RNF115: variants seen among roughly 807,000 people sequenced by gnomAD.
RNF115 encodes the protein E3 ubiquitin-protein ligase RNF115.
RNF115 carries 31 observed loss-of-function variants against 39.2 expected under a neutral mutation model. The ratio of observed to expected loss-of-function variants is 0.79; its 90% CI spans 0.59 to 1.07. RNF115 has a LOEUF of 1.07. RNF115 is among the 50% of genes least tolerant of loss of function. RNF115 has a pLI of 0.00. For synonymous variants in RNF115, 124 were observed against 131.0 expected (o/e 0.95, Z 0.37); for missense variants, 384 against 381.7 (o/e 1.01, Z -0.05).
intron 1 of RNF115, among the ~76,000 whole-genome samples, chr1:145,813,572 TG>T (rs1355160180): frequency 2.0e-5 from 3 of 152,212 alleles, no homozygotes; most frequent in Admixed American, 6.5e-5. Flanking sequence ...CCAATTCCTC[TG>T]GTCTCAGTAA....
chr1:145,781,402 G>GT (rs1446497871), intron 3 of RNF115, among the ~76,000 whole-genome samples: 1 of 152,120 alleles, frequency 6.6e-6, no homozygotes, highest in Non-Finnish European at 1.5e-5. Flanking sequence ...TTATTTCTAA[G>GT]TTTTTTCTTC....
At chr1:145,798,036 T>C (rs950200852) in intron 1 of RNF115, among the ~76,000 whole-genome samples, 1 of 152,236 alleles carries the variant, frequency 6.6e-6, no homozygotes, top group South Asian at 2.1e-4. Flanking sequence ...TTCTACATTC[T>C]GGATATTAAT....
At chr1:145,782,671 C>A (rs1553717595) in intron 3 of RNF115, among the ~76,000 whole-genome samples, 1 of 152,148 alleles carries the variant, frequency 6.6e-6, no homozygotes. Context: ...GTGAGTCATA[C>A]CTACAAAATT....
intron 3 of RNF115, chr1:145,773,142 C>T (rs1381260190): frequency 2.0e-5 from 3 of 152,092 alleles, no homozygotes; most frequent in Non-Finnish European, 4.4e-5. Context: ...TGTCCTTTAG[C>T]TCTTTGAGTA....
chr1:145,792,596 A>G (rs1028890429), intron 1 of RNF115, among the ~76,000 whole-genome samples: 1 of 152,194 alleles, frequency 6.6e-6, no homozygotes, highest in Non-Finnish European at 1.5e-5. Context: ...GCTATAACCA[A>G]TGAACACTAG....
chr1:145,811,908 A>AAAAAAT (rs1553722706), intron 1 of RNF115, among the ~76,000 whole-genome samples: 3 of 55,150 alleles, frequency 5.4e-5, no homozygotes, highest in African/African-American at 1.7e-4. Flanking sequence ...AAAAAAAAAA[A>AAAAAAT]ATATATATAT....
intron 1 of RNF115, among the ~76,000 whole-genome samples, chr1:145,794,652 C>T (rs918280495): frequency 6.6e-6 from 1 of 151,544 alleles, no homozygotes; most frequent in Admixed American, 6.6e-5. Flanking sequence ...TATTCCTTCC[C>T]GTGGGTTCTT....
intron 3 of RNF115, among the ~76,000 whole-genome samples, chr1:145,775,409 T>A (rs1647836950): frequency 6.6e-6 from 1 of 151,106 alleles, no homozygotes; most frequent in Admixed American, 6.6e-5. Context: ...TTTTTTTTTT[T>A]TTTGAGACAA....
intron 1 of RNF115, 58 bp from the exon 2 acceptor site, chr1:145,789,024 T>C: frequency 9.2e-7 from 1 of 1,081,780 alleles, no homozygotes; most frequent in Non-Finnish European, 1.4e-6. Flanking sequence ...ACGTGGTATC[T>C]GTAGTTTCAG....
At chr1:145,802,404 G>T (rs143336706) in intron 1 of RNF115, among the ~76,000 whole-genome samples, 368 of 152,220 alleles carry the variant, frequency 2.4e-3, no homozygotes, top group African/African-American at 8.3e-3. Flanking sequence ...TTTGCCTCCC[G>T]TATTTCAAAG....
chr1:145,801,821 T>C (rs1005777900), intron 1 of RNF115, among the ~76,000 whole-genome samples: 13 of 152,070 alleles, frequency 8.5e-5, no homozygotes, highest in Admixed American at 6.6e-4. Flanking sequence ...AGGGTCTCGC[T>C]CTGTTGCCCA....
In RNF115 at chr1:145,739,487, A is replaced by T. The variant is rs587715989; in HGVS notation, c.*7379T>A. On this transcript the variant is annotated 3_prime_UTR_variant, in exon 9 of 9. Transcript: ENST00000582693. ...AACTAAGGATTTTAGACTGTATCCC[A>T]TGGAGATAAAAGGACTAGCCATGGA... 6.6e-6 allele frequency: 1 copy of T among 152,320 alleles called. No individual in the cohort carries two copies. The highest frequency in any genetic ancestry group is 1.5e-5 in the Non-Finnish European group (1 of 68,038). 9.4% of individuals were successfully genotyped at this position (152,320 alleles called of 1,614,324 possible). A position where few individuals can be genotyped will look rare whatever the true frequency, so the allele number is the denominator to read the frequency against.
chr1:145,789,700 CTTTT>C lies in RNF115; in HGVS notation c.103-738_103-735del, dbSNP rs67276251. Among the ~76,000 whole-genome samples, 235 of 86,738 alleles carry C rather than the reference CTTTT, an allele frequency of 2.7e-3. 1 individual carries two copies. The highest frequency in any genetic ancestry group is 0.023 in the South Asian group (53 of 2,314). The allele number at this position is 86,738 out of a possible 152,430, so 56.9% of individuals were successfully genotyped here. A position where few individuals can be genotyped will look rare whatever the true frequency, so the allele number is the denominator to read the frequency against. The stretch of plus-strand genomic sequence containing the variant: ...GGTGTGAGCCACCACACCCGGACTT[CTTTT>C]TTTTTTTTTTTTTTTTTTTTTGAGA... On this transcript the variant is annotated intron_variant, in intron 1 of 8. Transcript: ENST00000582693.
Position 145,772,094 on chromosome 1 carries a change from A to G in RNF115, c.220-175T>C, listed in dbSNP as rs1647671217. Reference sequence around the variant, plus strand: ...TGTAAAACTATTACATGATCTATACATCTTCAACTTTACTGGGTAATGACA... The same window carrying G: ...TGTAAAACTATTACATGATCTATACGTCTTCAACTTTACTGGGTAATGACA... On this transcript the variant is annotated intron_variant, in intron 3 of 8. Coordinates refer to ENST00000582693, the MANE Select transcript of RNF115 (RefSeq NM_014455.4). The G allele has an allele frequency of 5.2e-6, 3 of 575,024 alleles. No individual in the cohort carries two copies. The South Asian group carries it at 6.9e-5, about 13-fold the overall frequency. The allele number at this position is 575,024 out of a possible 1,614,324, so 35.6% of individuals were successfully genotyped here. A position where few individuals can be genotyped will look rare whatever the true frequency, so the allele number is the denominator to read the frequency against.
At chr1:145,782,443 C>T (rs1648191304) in intron 3 of RNF115, among the ~76,000 whole-genome samples, 1 of 151,900 alleles carries the variant, frequency 6.6e-6, no homozygotes, top group Admixed American at 6.6e-5. Flanking sequence ...GCAATAAGGC[C>T]CCATCTCTTA....
intron 4 of RNF115, among the ~76,000 whole-genome samples, chr1:145,762,312 G>C (rs1184766586): frequency 6.6e-6 from 1 of 152,160 alleles, no homozygotes; most frequent in Non-Finnish European, 1.5e-5. Flanking sequence ...GACATGGTTT[G>C]GCTGCTGCCA....
intron 3 of RNF115, among the ~76,000 whole-genome samples, chr1:145,780,665 T>A (rs1476940585): frequency 6.6e-6 from 1 of 151,844 alleles, no homozygotes; most frequent in Non-Finnish European, 1.5e-5. Flanking sequence ...ATACATATTT[T>A]TAAATTTTTT....
rs370301703 is a variant in RNF115 at position 145,765,393 on chromosome 1, G to A, written c.428+6318C>T. Among the ~76,000 whole-genome samples, 5 of 146,484 alleles carry A rather than the reference G, an allele frequency of 3.4e-5. No individual in the cohort carries two copies. The East Asian group carries it at 5.9e-4, about 17-fold the overall frequency. ...ATGACCCTGCCAAATCCCCCTCTGC[G>A]AGAAACACCCAAGAATGATCAATAA... On this transcript the variant is annotated intron_variant, in intron 4 of 8. Transcript: ENST00000582693.
intron 7 of RNF115, among the ~76,000 whole-genome samples, chr1:145,749,241 T>C (rs1321210841): frequency 2.0e-5 from 3 of 152,184 alleles, no homozygotes; most frequent in Non-Finnish European, 4.4e-5. Context: ...TTAGCCCTAA[T>C]TCTTTTACTT....
Sources: allele counts gnomAD v4.1 joint callset (sites outside exome capture counted in the v4.1 genomes callset), GRCh38; gene constraint gnomAD v4.1.1; transcripts MANE v1.5; gene names NCBI Gene and HGNC (gene_info 2026-07-23, HGNC 2026-07-21).